The following NRXN1 variants were observed in gnomAD, a reference collection of about 807,000 sequenced individuals.
NRXN1 encodes the protein neurexin-1.
A neutral mutation model predicts 150.9 loss-of-function variants in NRXN1; 39 were observed. That is an observed-to-expected ratio of 0.26 (90% CI 0.20 to 0.34). The LOEUF (loss-of-function observed/expected upper bound fraction) is 0.34, where lower values mean the gene tolerates loss of function less well. Ranked by LOEUF, NRXN1 falls within the 10% of genes least tolerant of loss-of-function variation. The probability of loss-of-function intolerance (pLI) is 1.00; values close to 1 mark genes in which losing one functional copy is unlikely to be tolerated. For missense variants in NRXN1, 1,815 were observed against 1,949.9 expected (o/e 0.93, Z 1.30); for synonymous variants, 924 against 757.0 (o/e 1.22, Z -3.62).
intron 2 of NRXN1, among the ~76,000 whole-genome samples, chr2:51,008,186 T>A (rs1651720713): frequency 6.6e-6 from 1 of 151,784 alleles, no homozygotes. Flanking sequence ...AATACAAATG[T>A]CAAATCAATT....
intron 17 of NRXN1, among the ~76,000 whole-genome samples, chr2:50,440,492 T>A (rs2085855989): frequency 6.6e-6 from 1 of 151,960 alleles, no homozygotes; most frequent in Admixed American, 6.6e-5. Flanking sequence ...GAATAATAAA[T>A]AAATACTAAA....
intron 21 of NRXN1, among the ~76,000 whole-genome samples, chr2:49,988,668 T>G (rs1363026): frequency 0.47 from 70,272 of 148,722 alleles, 17,157 homozygotes; most frequent in Middle Eastern, 0.61. Context: ...TCACCTCTGA[T>G]CACTGAGAAT....
intron 21 of NRXN1, among the ~76,000 whole-genome samples, chr2:49,948,937 T>C (rs565864587): frequency 1.3e-5 from 2 of 152,144 alleles, no homozygotes; most frequent in East Asian, 1.9e-4. Flanking sequence ...GAAATTGCTA[T>C]GCTGATCTTC....
intron 12 of NRXN1, among the ~76,000 whole-genome samples, chr2:50,512,629 G>A (rs2092492088): frequency 1.3e-5 from 2 of 152,224 alleles, no homozygotes; most frequent in Admixed American, 1.3e-4. Context: ...CCTTGTTATT[G>A]GCAGGATGAA....
Position 50,552,897 on chromosome 2 carries a change from G to A in NRXN1, c.1449C>T (p.Thr483=), listed in dbSNP as rs752690784. Residue 483 remains threonine, a synonymous_variant, in exon 9 of 23, where the codon ACC becomes ACT. Transcript: ENST00000401669. ...AGATGAAAGACTCTGGGGTTTCAAAGGTGATTGGGTCTAAAGTTGCAACAT... is the reference window on the plus strand; with the variant it reads ...AGATGAAAGACTCTGGGGTTTCAAAAGTGATTGGGTCTAAAGTTGCAACAT... ...CENVATLDPI[T]FETPESFISL... 2 of 1,613,812 alleles carry A rather than the reference G, an allele frequency of 1.2e-6. No individual in the cohort carries two copies. Among genetic ancestry groups the A allele is most frequent in the Admixed American group, 3.3e-5 (2 of 60,000 alleles).
chr2:50,619,708 G>C (rs1273260486), intron 8 of NRXN1: 1 of 398,396 alleles, frequency 2.5e-6, no homozygotes, highest in Non-Finnish European at 4.4e-6. Context: ...AAATAAGCAA[G>C]TAAACCATTT....
chr2:50,370,014 C>T (rs960375373), intron 17 of NRXN1, among the ~76,000 whole-genome samples: 20 of 152,024 alleles, frequency 1.3e-4, no homozygotes, highest in African/African-American at 4.1e-4. Context: ...AAGAAATTTA[C>T]TCTATTTATT....
At position 50,347,037 on chromosome 2, in the gene NRXN1, G is replaced by T. The variant is rs1438744490; in HGVS notation, c.3365-110067C>A. The T allele has an allele frequency of 1.0e-5, 14 of 1,371,010 alleles. No homozygotes were observed. The highest frequency in any genetic ancestry group is 3.1e-5 in the African/African-American group (2 of 65,562). The allele number at this position is 1,371,010 out of a possible 1,614,324, so 84.9% of individuals were successfully genotyped here. Reference sequence around the variant, plus strand: ...GAGGGCGCAGGGGAGCGGGCGGCGCGGAGTGGGCTGAGGGGCCGGCCGCCT... The same window carrying T: ...GAGGGCGCAGGGGAGCGGGCGGCGCTGAGTGGGCTGAGGGGCCGGCCGCCT... On this transcript the variant is annotated intron_variant, in intron 17 of 22. Transcript: ENST00000401669. The surrounding 1 kb of genome is among the most constrained non-coding windows in gnomAD (Gnocchi z 4.9).
intron 5 of NRXN1, among the ~76,000 whole-genome samples, chr2:50,704,850 A>T (rs1244178341): frequency 6.6e-6 from 1 of 151,930 alleles, no homozygotes; most frequent in African/African-American, 2.4e-5. Flanking sequence ...ATAATATTAC[A>T]ATTTACAATA....
chr2:50,055,841 A>T (rs560252581), intron 19 of NRXN1, among the ~76,000 whole-genome samples: 1 of 152,342 alleles, frequency 6.6e-6, no homozygotes, highest in Admixed American at 6.5e-5. Context: ...CTTTAAAAGC[A>T]TGACAGCTTA....
At chr2:50,257,033 G>A (rs2067769366) in intron 17 of NRXN1, among the ~76,000 whole-genome samples, 1 of 151,828 alleles carries the variant, frequency 6.6e-6, no homozygotes, top group Non-Finnish European at 1.5e-5. Flanking sequence ...TCCAGGCTTT[G>A]AAAAAAATGA....
intron 17 of NRXN1, among the ~76,000 whole-genome samples, chr2:50,278,243 TATA>T (rs1476543962): frequency 8.1e-6 from 1 of 122,852 alleles, no homozygotes; most frequent in Non-Finnish European, 1.6e-5. Context: ...ATATATATAA[TATA>T]TATATATATT....
chr2:50,039,296 T>A (rs181427449), intron 21 of NRXN1, among the ~76,000 whole-genome samples: 19 of 152,066 alleles, frequency 1.2e-4, no homozygotes, highest in Admixed American at 8.5e-4. Context: ...TGAAATCCTG[T>A]CTCTACTAAA....
Position 50,531,093 on chromosome 2 carries a change from A to G in NRXN1, c.2347+134T>C. On this transcript the variant is annotated intron_variant, in intron 11 of 22. Transcript: ENST00000401669. ...AAGATGCCCCCGAAAACCTCAAATT[A>G]CTTTAAATGATGGAAATAAGACCAT... 5 of 642,050 alleles carry G rather than the reference A, an allele frequency of 7.8e-6. No homozygotes were observed. In the South Asian group the frequency reaches 9.9e-5, roughly 13 times the overall value. 39.8% of individuals were successfully genotyped at this position (642,050 alleles called of 1,614,324 possible). A position where few individuals can be genotyped will look rare whatever the true frequency, so the allele number is the denominator to read the frequency against.
At chr2:50,252,253 CTTTTCTTTT>C (rs2067189339) in intron 17 of NRXN1, among the ~76,000 whole-genome samples, 2 of 58,858 alleles carry the variant, frequency 3.4e-5, no homozygotes, top group East Asian at 9.7e-4. Context: ...TTTCTTTTTT[CTTTTCTTTT>C]TTTTTTTTTT....
chr2:50,684,829 T>C (rs181684388), intron 5 of NRXN1, among the ~76,000 whole-genome samples: 6 of 152,192 alleles, frequency 3.9e-5, no homozygotes, highest in South Asian at 4.1e-4. Context: ...TAAAGCTAAA[T>C]TGACATGTTT....
At chr2:50,084,407 G>C (rs1465583194) in intron 19 of NRXN1, among the ~76,000 whole-genome samples, 2 of 152,142 alleles carry the variant, frequency 1.3e-5, no homozygotes, top group African/African-American at 4.8e-5. Flanking sequence ...CGGTGGGCCG[G>C]CACTGATGGG....
intron 5 of NRXN1, among the ~76,000 whole-genome samples, chr2:50,774,525 G>A (rs1703375978): frequency 6.6e-6 from 1 of 152,074 alleles, no homozygotes; most frequent in Non-Finnish European, 1.5e-5. Flanking sequence ...TTGAAAGTAT[G>A]TTTTATAAAA....
Position 50,038,907 on chromosome 2 carries a change from C to T in NRXN1, c.4128+14364G>A, listed in dbSNP as rs111769721. On this transcript the variant is annotated intron_variant, in intron 21 of 22. Coordinates refer to ENST00000401669, the MANE Select transcript of NRXN1 (RefSeq NM_001330078.2). ...TTTAAAAGCAAAGAAAGGCTGGGAG[C>T]GGTGGATCATGCCTGTAATCCCAGC... 1.2e-4 allele frequency among the ~76,000 whole-genome samples: 18 copies of T among 151,746 alleles called. No homozygotes were observed. In the South Asian group the frequency reaches 2.9e-3, roughly 25 times the overall value.
Sources: allele counts gnomAD v4.1 joint callset (sites outside exome capture counted in the v4.1 genomes callset), GRCh38; gene constraint gnomAD v4.1.1; non-coding constraint Gnocchi (gnomAD v3.1); transcripts MANE v1.5; gene names NCBI Gene and HGNC (gene_info 2026-07-23, HGNC 2026-07-21).